The following WWOX variants were observed in gnomAD, a reference collection of about 807,000 sequenced individuals.
The protein encoded by WWOX is WW domain-containing oxidoreductase.
A neutral mutation model predicts 46.2 loss-of-function variants in WWOX; 69 were observed. The observed-to-expected ratio is 1.49, with a 90% CI of 1.23 to 1.82. The LOEUF is 1.82. WWOX is among the 40% of genes most tolerant of loss of function. The probability of loss-of-function intolerance (pLI) is 0.00; values close to 1 mark genes in which losing one functional copy is unlikely to be tolerated. For synonymous variants in WWOX, 359 were observed against 202.6 expected (o/e 1.77, Z -6.56); for missense variants, 919 against 542.6 (o/e 1.69, Z -6.89).
At chr16:78,208,070 C>A (rs575736990) in intron 5 of WWOX, among the ~76,000 whole-genome samples, 1 of 152,190 alleles carries the variant, frequency 6.6e-6, no homozygotes, top group African/African-American at 2.4e-5. Flanking sequence ...GCCTTGGCTT[C>A]CCAAAATGCT....
At chr16:78,825,503 G>A (rs1399295571) in intron 8 of WWOX, 22 of 487,716 alleles carry the variant, frequency 4.5e-5, no homozygotes, top group Non-Finnish European at 8.6e-5. Flanking sequence ...TAGTTCAGAA[G>A]AGATTTGGCT....
At chr16:78,218,020 T>C (rs1473665215) in intron 5 of WWOX, among the ~76,000 whole-genome samples, 1 of 152,132 alleles carries the variant, frequency 6.6e-6, no homozygotes, top group Non-Finnish European at 1.5e-5. Flanking sequence ...ATTTTTTTAC[T>C]TTCCCTCTCC....
chr16:78,630,679 TC>T (rs2046407609), intron 8 of WWOX, among the ~76,000 whole-genome samples: 1 of 152,196 alleles, frequency 6.6e-6, no homozygotes, highest in South Asian at 2.1e-4. Flanking sequence ...TTGCCTTGCA[TC>T]CTTTTGCTGT....
chr16:78,702,210 C>T (rs968814962), intron 8 of WWOX, among the ~76,000 whole-genome samples: 8 of 147,680 alleles, frequency 5.4e-5, no homozygotes, highest in Middle Eastern at 3.3e-3. Context: ...AGACTGGGAG[C>T]TCGAGGCGGC....
intron 8 of WWOX, chr16:78,553,218 C>G (rs1167227181): frequency 2.6e-5 from 4 of 152,194 alleles, no homozygotes; most frequent in Non-Finnish European, 5.9e-5. Flanking sequence ...TGCAGCAAAC[C>G]ACCATGGCAC....
At chr16:78,214,137 A>C (rs530121266) in intron 5 of WWOX, among the ~76,000 whole-genome samples, 2 of 152,086 alleles carry the variant, frequency 1.3e-5, no homozygotes, top group Non-Finnish European at 2.9e-5. Flanking sequence ...CATCAGCTCC[A>C]CATTGCAGAC....
intron 8 of WWOX, among the ~76,000 whole-genome samples, chr16:78,800,936 G>T (rs561816068): frequency 3.5e-5 from 4 of 113,790 alleles, no homozygotes; most frequent in African/African-American, 9.3e-5. Flanking sequence ...ACTCTCAAAT[G>T]GAAGTTTCGA....
chr16:78,982,640 G>C (rs1274932676), intron 8 of WWOX, among the ~76,000 whole-genome samples: 1 of 152,120 alleles, frequency 6.6e-6, no homozygotes, highest in Non-Finnish European at 1.5e-5. Flanking sequence ...AGGAGGGAAG[G>C]ACTAATATTT....
intron 8 of WWOX, among the ~76,000 whole-genome samples, chr16:78,751,047 A>G (rs554686823): frequency 6.6e-6 from 1 of 152,170 alleles, no homozygotes; most frequent in East Asian, 1.9e-4. Flanking sequence ...TTCTATTTTT[A>G]GACCTTTGAG....
At chr16:78,193,165 A>G (rs7184442) in intron 5 of WWOX, among the ~76,000 whole-genome samples, 3,331 of 152,310 alleles carry the variant, frequency 0.022, 123 homozygotes, top group African/African-American at 0.077. Context: ...TCATATTGTC[A>G]TATATCAATG....
intron 8 of WWOX, among the ~76,000 whole-genome samples, chr16:78,760,348 A>G (rs1321738460): frequency 1.3e-5 from 2 of 152,232 alleles, no homozygotes; most frequent in Admixed American, 6.5e-5. Flanking sequence ...CTACAATTCA[A>G]TATGAGATTT....
chr16:79,158,349 A>G (rs761680263), intron 8 of WWOX, among the ~76,000 whole-genome samples: 2 of 152,234 alleles, frequency 1.3e-5, no homozygotes, highest in Non-Finnish European at 2.9e-5. Flanking sequence ...CACACGTTGG[A>G]CAGGAGACTG....
At chr16:78,576,847 C>T (rs911509692) in intron 8 of WWOX, among the ~76,000 whole-genome samples, 3 of 152,186 alleles carry the variant, frequency 2.0e-5, no homozygotes, top group Admixed American at 2.0e-4. Context: ...TAAATGCTGC[C>T]TTGGGTATCT....
At chr16:78,544,372 T>C (rs2043971070) in intron 8 of WWOX, among the ~76,000 whole-genome samples, 1 of 152,146 alleles carries the variant, frequency 6.6e-6, no homozygotes, top group Non-Finnish European at 1.5e-5. Context: ...GCATTCTTTA[T>C]TTAATCTTCC....
At chr16:78,573,149 G>A (rs1197578279) in intron 8 of WWOX, among the ~76,000 whole-genome samples, 5 of 152,266 alleles carry the variant, frequency 3.3e-5, no homozygotes, top group Admixed American at 2.6e-4. Flanking sequence ...GCCAGGCATG[G>A]TGGCGGGGTG....
At chr16:78,889,741 G>A (rs563266723) in intron 8 of WWOX, among the ~76,000 whole-genome samples, 1 of 152,120 alleles carries the variant, frequency 6.6e-6, no homozygotes, top group Non-Finnish European at 1.5e-5. Flanking sequence ...TTTAACTTGT[G>A]CGATATAGTT....
intron 5 of WWOX, among the ~76,000 whole-genome samples, chr16:78,177,474 G>A (rs1767012745): frequency 6.6e-6 from 1 of 152,310 alleles, no homozygotes; most frequent in East Asian, 1.9e-4. Flanking sequence ...AAGCAGGATG[G>A]TTGCAGGAGA....
At chr16:78,172,136 G>C (rs2151744087) in intron 5 of WWOX, among the ~76,000 whole-genome samples, 1 of 152,242 alleles carries the variant, frequency 6.6e-6, no homozygotes, top group South Asian at 2.1e-4. Flanking sequence ...CAAGGACTTA[G>C]ACAAGTATTG....
At chr16:78,426,895 C>A (rs1324262765) in intron 7 of WWOX, among the ~76,000 whole-genome samples, 3 of 152,182 alleles carry the variant, frequency 2.0e-5, no homozygotes, top group Non-Finnish European at 4.4e-5. Context: ...ATCTCTTGAC[C>A]TTGTGATCCG....
Sources: allele counts gnomAD v4.1 joint callset (sites outside exome capture counted in the v4.1 genomes callset), GRCh38; gene constraint gnomAD v4.1.1; transcripts MANE v1.5; gene names NCBI Gene and HGNC (gene_info 2026-07-23, HGNC 2026-07-21).